Variants in NUP42 observed in about 807,000 individuals in gnomAD.
NUP42 encodes nucleoporin 42.
In NUP42, 47 loss-of-function variants were observed where a neutral mutation model predicts 35.9. The ratio of observed to expected loss-of-function variants is 1.31; its 90% CI spans 1.04 to 1.67. NUP42 has a LOEUF of 1.67. Ranked by LOEUF, NUP42 falls within the 40% of genes most tolerant of loss-of-function variation. The pLI, the probability that NUP42 is intolerant of heterozygous loss-of-function variation, is 0.00. For synonymous variants in NUP42, 173 were observed against 173.3 expected (o/e 1.00, Z 0.01); for missense variants, 514 against 492.2 (o/e 1.04, Z -0.42).
intron 1 of NUP42, 92 bp downstream of exon 1, chr7:23,182,298 C>T: frequency 6.6e-7 from 1 of 1,510,168 alleles, no homozygotes; most frequent in Non-Finnish European, 8.8e-7. Context: ...CTGCTGGTGA[C>T]CCCAACGTGC....
rs79806987 is a variant in NUP42 at position 23,185,268 on chromosome 7, C to T, written c.320C>T (p.Pro107Leu). ...GAGAACCCATTTGCTTCACTTAGTC[C>T]TGATGAGCAGAAAGATGAAAAGAAA... ...LSENPFASLS[P>L]DEQKDEKKLL... Residue 107 changes from proline to leucine, a missense_variant, in exon 2 of 7, where the codon CCT becomes CTT. Transcript: ENST00000258742. 2 of 1,612,850 alleles carry T rather than the reference C, an allele frequency of 1.2e-6. No homozygotes were observed. Among genetic ancestry groups the T allele is most frequent in the East Asian group, 4.5e-5 (2 of 44,864 alleles).
Position 23,200,389 on chromosome 7 carries a change from C to A in NUP42, c.916C>A (p.Pro306Thr), listed in dbSNP as rs935548376. 6.2e-7 allele frequency: 1 copy of A among 1,613,958 alleles called. No individual in the cohort carries two copies. The highest frequency in any genetic ancestry group is 8.5e-7 in the Non-Finnish European group (1 of 1,180,010). Residue 306 changes from proline (P) to threonine (T), a missense_variant, in exon 7 of 7, where the codon CCT becomes ACT. Coordinates refer to ENST00000258742, the MANE Select transcript of NUP42 (RefSeq NM_007342.3). ...GGCTGCATCATTTTCATTCAAAAGC[C>A]CTGCAGCTTCCAGTTTTGGATCACC... ...TSAASFSFKS[P>T]AASSFGSPGF...
In NUP42 at chr7:23,195,899, A is replaced by G; in HGVS notation, c.506A>G (p.Asn169Ser). The part of the protein sequence containing the change: ...RLEYHNFLTS[N>S]NLQSYLNSVQ... ...GAATACCATAACTTCTTAACCAGCA[A>G]TAACTTACAGAGTTATGTAAGTTTG... The change falls in exon 4 of 7, where the codon AAT (asparagine) becomes AGT (serine). Residue 169 changes from asparagine to serine, a missense_variant. Asn to Ser is a conservative substitution (Grantham distance 46). Coordinates refer to ENST00000258742, the MANE Select transcript of NUP42 (RefSeq NM_007342.3). 1.9e-6 allele frequency: 3 copies of G among 1,600,176 alleles called. No individual in the cohort carries two copies. Among genetic ancestry groups the G allele is most frequent in the Non-Finnish European group, 1.7e-6 (2 of 1,170,978 alleles).
intron 3 of NUP42, among the ~76,000 whole-genome samples, chr7:23,189,215 A>G (rs1785706082): frequency 6.6e-6 from 1 of 152,252 alleles, no homozygotes; most frequent in Admixed American, 6.5e-5. Context: ...AATGAAAAAA[A>G]TTAAAACTTT....
intron 3 of NUP42, chr7:23,188,265 A>G (rs2128473127): frequency 8.1e-7 from 1 of 1,234,952 alleles, no homozygotes; most frequent in Non-Finnish European, 1.0e-6. Context: ...CCATTTAACA[A>G]ATATTTACTG....
At chr7:23,183,914 T>G (rs1303330921) in intron 1 of NUP42, among the ~76,000 whole-genome samples, 1 of 150,636 alleles carries the variant, frequency 6.6e-6, no homozygotes, top group Non-Finnish European at 1.5e-5. Flanking sequence ...TTAGGGTAGT[T>G]TAGAGTTGCA....
In NUP42 at chr7:23,185,213, A is replaced by C; in HGVS notation, c.265A>C (p.Thr89Pro). 1 of 1,614,186 alleles carries C rather than the reference A, an allele frequency of 6.2e-7. No individual in the cohort carries two copies. The highest frequency in any genetic ancestry group is 8.5e-7 in the Non-Finnish European group (1 of 1,180,040). The change falls in exon 2 of 7, where the codon ACT (threonine) becomes CCT (proline). Residue 89 changes from threonine to proline, a missense_variant. Thr to Pro is a conservative substitution (Grantham distance 38). Transcript: ENST00000258742. ...CAGTTCTTTTGATTCTGGAGCTTCA[A>C]CTAACAGGAAGGAAGGCTTTGGATT... ...YFSSFDSGASTNRKEGFGLSE... is the reference protein window; with the variant it reads ...YFSSFDSGASPNRKEGFGLSE...
At chr7:23,184,038 A>G (rs1661687137) in intron 1 of NUP42, among the ~76,000 whole-genome samples, 1 of 152,124 alleles carries the variant, frequency 6.6e-6, no homozygotes, top group African/African-American at 2.4e-5. Context: ...GGCCCCAACT[A>G]GGAAGTGATG....
chr7:23,190,012 A>G (rs1019425601), intron 3 of NUP42, among the ~76,000 whole-genome samples: 5 of 152,142 alleles, frequency 3.3e-5, no homozygotes, highest in African/African-American at 1.2e-4. Flanking sequence ...AATGACTTAT[A>G]TGTGATATTA....
At chr7:23,183,331 T>C (rs1039931422) in intron 1 of NUP42, among the ~76,000 whole-genome samples, 1 of 152,176 alleles carries the variant, frequency 6.6e-6, no homozygotes, top group African/African-American at 2.4e-5. Context: ...GCGATTCTTA[T>C]GCCTCAGTCT....
chr7:23,182,390 G>C, intron 1 of NUP42, 184 bp downstream of exon 1: 13 of 1,403,344 alleles, frequency 9.3e-6, no homozygotes, highest in Non-Finnish European at 1.2e-5. Flanking sequence ...TATTCATGTG[G>C]TCCGTTTTTA....
chr7:23,200,102 A>C, intron 6 of NUP42, 66 bp from the exon 7 acceptor site: 1 of 1,132,874 alleles, frequency 8.8e-7, no homozygotes, highest in South Asian at 1.7e-5. Context: ...GGGAGGAAAT[A>C]ATTGTGACAT....
intron 1 of NUP42, among the ~76,000 whole-genome samples, chr7:23,184,231 G>A (rs1044495829): frequency 6.6e-5 from 10 of 152,144 alleles, no homozygotes; most frequent in Non-Finnish European, 1.3e-4. Flanking sequence ...AGGTGTGTAG[G>A]TGTTTGCCCA....
At chr7:23,198,202 A>ATTATTTTTTTTTTTTTTT (rs1554296929) in intron 5 of NUP42, 1 of 107,182 alleles carries the variant, frequency 9.3e-6, no homozygotes, top group African/African-American at 4.7e-5. Context: ...AAACAAAAGC[A>ATTATTTTTTTTTTTTTTT]TTCTTTTTTT....
chr7:23,182,061 G>A lies in NUP42; in HGVS notation c.-25G>A. Reference sequence around the variant, plus strand: ...GCATCGAACGGTGCAGACTGAAGACGCCCTCCGTCAGCGACGCCGTCGCAA... The same window carrying A: ...GCATCGAACGGTGCAGACTGAAGACACCCTCCGTCAGCGACGCCGTCGCAA... On this transcript the variant is annotated 5_prime_UTR_variant, in exon 1 of 7. Coordinates refer to ENST00000258742, the MANE Select transcript of NUP42 (RefSeq NM_007342.3). The A allele has an allele frequency of 6.2e-7, 1 of 1,612,472 alleles. No homozygotes were observed. Among genetic ancestry groups the A allele is most frequent in the Non-Finnish European group, 8.5e-7 (1 of 1,179,870 alleles).
At position 23,185,584 on chromosome 7, in the gene NUP42, AC is replaced by A. The variant is rs1387676078; in HGVS notation, c.350+287del. On this transcript the variant is annotated intron_variant, in intron 2 of 6. Transcript: ENST00000258742. ...GTAGAGTGCCTTCCTAGGGGTAATTACGCTTTTTCCACTTTGTGTTGATAAC... is the reference window on the plus strand; with the variant it reads ...GTAGAGTGCCTTCCTAGGGGTAATTAGCTTTTTCCACTTTGTGTTGATAAC... Among the ~76,000 whole-genome samples the A allele has an allele frequency of 3.9e-5, 6 of 152,178 alleles. No individual in the cohort carries two copies. In the East Asian group the frequency reaches 1.2e-3, roughly 29 times the overall value.
intron 1 of NUP42, among the ~76,000 whole-genome samples, chr7:23,183,716 T>C (rs956446275): frequency 1.4e-5 from 2 of 140,034 alleles, no homozygotes; most frequent in African/African-American, 5.4e-5. Context: ...AACAAATGAA[T>C]GTTTCTGGAA....
chr7:23,182,134 C>A lies in NUP42; in HGVS notation c.49C>A (p.Arg17=), dbSNP rs1202393464. The change falls in exon 1 of 7, where the codon CGG becomes AGG. Residue 17 remains arginine (R), a synonymous_variant. Coordinates refer to ENST00000258742, the MANE Select transcript of NUP42 (RefSeq NM_007342.3). ...FLQGRCRFGD[R]CWNEHPGARG... ...TCAAGGCCGGTGCCGCTTTGGAGATCGGTGCTGGAACGAACATCCCGGTGC... is the reference window on the plus strand; with the variant it reads ...TCAAGGCCGGTGCCGCTTTGGAGATAGGTGCTGGAACGAACATCCCGGTGC... 2 of 1,614,086 alleles carry A rather than the reference C, an allele frequency of 1.2e-6. No individual in the cohort carries two copies. Among genetic ancestry groups the A allele is most frequent in the Non-Finnish European group, 1.7e-6 (2 of 1,180,042 alleles).
At position 23,196,587 on chromosome 7, in the gene NUP42, T is replaced by A. The variant is rs1226487713; in HGVS notation, c.523-93T>A. 4.4e-6 allele frequency: 4 copies of A among 911,956 alleles called. No homozygotes were observed. In the African/African-American group the frequency reaches 6.7e-5, roughly 15 times the overall value. The allele number at this position is 911,956 out of a possible 1,614,324, so 56.5% of individuals were successfully genotyped here. ...ATAAAACTGTTACATAAACCTTTTG[T>A]GATTTTGGCAAAGAAGTATGTGAAG... is the stretch of plus-strand genomic sequence containing the variant. On this transcript the variant is annotated intron_variant, in intron 4 of 6. Coordinates refer to ENST00000258742, the MANE Select transcript of NUP42 (RefSeq NM_007342.3).
Sources: allele counts gnomAD v4.1 joint callset (sites outside exome capture counted in the v4.1 genomes callset), GRCh38; gene constraint gnomAD v4.1.1; transcripts MANE v1.5; gene names NCBI Gene and HGNC (gene_info 2026-07-23, HGNC 2026-07-21).